Variants in EMILIN2 observed in about 807,000 individuals in gnomAD.
EMILIN2 encodes elastin microfibril interfacer 2, also known as EMILIN-2.
In EMILIN2, 71 loss-of-function variants were observed where a neutral mutation model predicts 87.1. The ratio of observed to expected loss-of-function variants is 0.82; its 90% CI spans 0.67 to 0.99. The LOEUF (loss-of-function observed/expected upper bound fraction) is 0.99. EMILIN2 is among the 50% of genes least tolerant of loss of function. EMILIN2 has a pLI of 0.00. For missense variants in EMILIN2, 1,407 were observed against 1,371.8 expected (o/e 1.03, Z -0.40); for synonymous variants, 581 against 563.4 (o/e 1.03, Z -0.44).
intron 3 of EMILIN2, among the ~76,000 whole-genome samples, chr18:2,887,419 G>T (rs769502206): frequency 2.0e-5 from 3 of 152,184 alleles, no homozygotes; most frequent in Non-Finnish European, 4.4e-5. Flanking sequence ...ATCATGGGAG[G>T]TGTTTGGGTC....
At chr18:2,855,093 T>A (rs893271800) in intron 2 of EMILIN2, among the ~76,000 whole-genome samples, 1 of 152,190 alleles carries the variant, frequency 6.6e-6, no homozygotes, top group Admixed American at 6.5e-5. Flanking sequence ...AGGGCTGGAA[T>A]CCCAGGCGCC....
At chr18:2,854,581 C>G (rs2076617931) in intron 2 of EMILIN2, among the ~76,000 whole-genome samples, 1 of 152,100 alleles carries the variant, frequency 6.6e-6, no homozygotes, top group Non-Finnish European at 1.5e-5. Flanking sequence ...TCGCTTGAAC[C>G]CAGGAGTTCA....
chr18:2,874,619 T>C lies in EMILIN2; in HGVS notation c.258-10345T>C, dbSNP rs188578105. On this transcript the variant is annotated intron_variant, in intron 2 of 7. Transcript: ENST00000254528. ...GAATGAAAACATCTGCACCTCACTA[T>C]GTGAAGTGTGAATTTCAAAAACATA... Among the ~76,000 whole-genome samples, 236 of 152,250 alleles carry C rather than the reference T, an allele frequency of 1.6e-3. 1 individual carries two copies. The highest frequency in any genetic ancestry group is 5.2e-3 in the East Asian group (27 of 5,180).
At chr18:2,866,867 T>C (rs2076688933) in intron 2 of EMILIN2, among the ~76,000 whole-genome samples, 1 of 152,232 alleles carries the variant, frequency 6.6e-6, no homozygotes. Flanking sequence ...TTGAAGTATG[T>C]CTCTTGTATG....
chr18:2,873,784 C>T (rs1233712270), intron 2 of EMILIN2, among the ~76,000 whole-genome samples: 1 of 151,866 alleles, frequency 6.6e-6, no homozygotes, highest in Non-Finnish European at 1.5e-5. Flanking sequence ...TCCTCTTCAC[C>T]CCAAAAGTCT....
At chr18:2,859,543 C>G (rs2076650351) in intron 2 of EMILIN2, among the ~76,000 whole-genome samples, 1 of 152,098 alleles carries the variant, frequency 6.6e-6, no homozygotes, top group Non-Finnish European at 1.5e-5. Flanking sequence ...GCTGACTGTT[C>G]CTTTTGCCTT....
At chr18:2,877,560 C>T (rs1399944598) in intron 2 of EMILIN2, among the ~76,000 whole-genome samples, 1 of 151,542 alleles carries the variant, frequency 6.6e-6, no homozygotes, top group African/African-American at 2.4e-5. Flanking sequence ...GGCGGACCAC[C>T]TGAGGTCAGT....
At chr18:2,900,869 TAA>T (rs550725464) in intron 4 of EMILIN2, among the ~76,000 whole-genome samples, 1 of 152,000 alleles carries the variant, frequency 6.6e-6, no homozygotes, top group East Asian at 1.9e-4. Flanking sequence ...ATGCTTTTTT[TAA>T]AAAAAAGTCT....
In EMILIN2 at chr18:2,891,849, C is replaced by T. The variant is rs3826638; in HGVS notation, c.1722C>T (p.Arg574=). The T allele has an allele frequency of 0.16, 258,847 of 1,614,058 alleles. 23,471 individuals carry two copies. Among genetic ancestry groups the T allele is most frequent in the Admixed American group, 0.37 (22,193 of 60,008 alleles). Residue 574 remains arginine (R), a synonymous_variant, in exon 4 of 8, where the codon CGC becomes CGT. Coordinates refer to ENST00000254528, the MANE Select transcript of EMILIN2 (RefSeq NM_032048.3). This position sits in a 1 kb window ranked among gnomAD's most constrained non-coding sequence, Gnocchi z 4.6. The part of the protein sequence containing the change: ...MEGALPNRED[R]AVRDSLHLLK... ...GTGCCTTGCCAAACAGGGAAGACCG[C>T]GCAGTACGCGACAGCCTGCACCTTT...
chr18:2,879,946 A>G (rs2076768743), intron 2 of EMILIN2, among the ~76,000 whole-genome samples: 1 of 152,110 alleles, frequency 6.6e-6, no homozygotes, highest in Non-Finnish European at 1.5e-5. Flanking sequence ...GAGCTCAGCA[A>G]TCCTCAGTCC....
chr18:2,909,930 G>A (rs574404328), intron 7 of EMILIN2, 111 bp downstream of exon 7: 5 of 1,455,960 alleles, frequency 3.4e-6, no homozygotes, highest in Admixed American at 2.4e-5. Context: ...CAGGGAGGAC[G>A]CCACCCTGGA....
intron 2 of EMILIN2, among the ~76,000 whole-genome samples, chr18:2,855,346 G>T (rs1302700899): frequency 6.6e-6 from 1 of 152,232 alleles, no homozygotes; most frequent in Non-Finnish European, 1.5e-5. Context: ...TCAGCCAGGA[G>T]ACTAGGCAGG....
intron 2 of EMILIN2, among the ~76,000 whole-genome samples, chr18:2,860,750 C>T (rs1009667614): frequency 6.6e-6 from 1 of 152,188 alleles, no homozygotes; most frequent in African/African-American, 2.4e-5. Flanking sequence ...TGGGTACATA[C>T]CCAGTAATGG....
chr18:2,858,583 G>GTGTGTGTGTATATA (rs1180735843), intron 2 of EMILIN2, among the ~76,000 whole-genome samples: 13 of 63,040 alleles, frequency 2.1e-4, no homozygotes, highest in African/African-American at 1.2e-3. Flanking sequence ...GTGTGTGTGT[G>GTGTGTGTGTATATA]TATATATATA....
intron 2 of EMILIN2, among the ~76,000 whole-genome samples, chr18:2,854,213 C>A (rs932201488): frequency 6.6e-6 from 1 of 152,102 alleles, no homozygotes; most frequent in Non-Finnish European, 1.5e-5. Context: ...CCCCCTCAGC[C>A]CCTCGAGGCC....
chr18:2,889,947 T>C (rs544551401), intron 3 of EMILIN2, among the ~76,000 whole-genome samples: 1 of 152,336 alleles, frequency 6.6e-6, no homozygotes, highest in Admixed American at 6.5e-5. Context: ...TCTCCCAAAC[T>C]GCAAGCAGGG....
At position 2,890,995 on chromosome 18, in the gene EMILIN2, T is replaced by A. The variant is rs762921969; in HGVS notation, c.868T>A (p.Tyr290Asn). The change falls in exon 4 of 8, where the codon TAC (tyrosine) becomes AAC (asparagine). Residue 290 changes from tyrosine to asparagine, a missense_variant. Tyr to Asn is a moderately radical substitution (Grantham distance 143). Transcript: ENST00000254528. This position sits in a 1 kb window ranked among gnomAD's most constrained non-coding sequence, Gnocchi z 4.7. The stretch of plus-strand genomic sequence containing the variant: ...AGAGCTGGATGGAAAAGTGAAGGGC[T>A]ACGAAGGGCAGCTCAGACAGCTCCA... The part of the protein sequence containing the change: ...LEELDGKVKG[Y>N]EGQLRQLQEA... The A allele has an allele frequency of 6.2e-7, 1 of 1,614,112 alleles. No individual in the cohort carries two copies.
chr18:2,874,201 A>T (rs1422300097), intron 2 of EMILIN2, among the ~76,000 whole-genome samples: 1 of 152,050 alleles, frequency 6.6e-6, no homozygotes, highest in Admixed American at 6.5e-5. Context: ...AATAGTATGT[A>T]TTAGTAGTTG....
chr18:2,904,988 C>CA (rs1464379384), intron 4 of EMILIN2, among the ~76,000 whole-genome samples: 1 of 152,212 alleles, frequency 6.6e-6, no homozygotes, highest in Non-Finnish European at 1.5e-5. Context: ...TGGTATCTTA[C>CA]TCCTATCTTC....
Sources: allele counts gnomAD v4.1 joint callset (sites outside exome capture counted in the v4.1 genomes callset), GRCh38; gene constraint gnomAD v4.1.1; non-coding constraint Gnocchi (gnomAD v3.1); transcripts MANE v1.5; gene names NCBI Gene and HGNC (gene_info 2026-07-23, HGNC 2026-07-21).